GALNT7: variants seen among roughly 807,000 people sequenced by gnomAD.
GALNT7 encodes the protein polypeptide N-acetylgalactosaminyltransferase 7.
Under a neutral mutation model 82.1 loss-of-function variants are expected in GALNT7, and 60 were observed. The observed-to-expected ratio is 0.73, with a 90% CI of 0.59 to 0.91. The LOEUF (loss-of-function observed/expected upper bound fraction) is 0.91, where lower values mean the gene tolerates loss of function less well. Ranked by LOEUF, GALNT7 falls within the 40% of genes least tolerant of loss-of-function variation. The pLI is 0.00. For synonymous variants in GALNT7, 243 were observed against 275.1 expected (o/e 0.88, Z 1.15); for missense variants, 660 against 804.2 (o/e 0.82, Z 2.17).
chr4:173,205,843 G>A (rs1221434653), intron 1 of GALNT7, among the ~76,000 whole-genome samples: 1 of 152,084 alleles, frequency 6.6e-6, no homozygotes, highest in Non-Finnish European at 1.5e-5. Context: ...AGGGCTGCAG[G>A]GCCAGCTTGG....
chr4:173,281,844 A>C (rs1161347336), intron 2 of GALNT7, among the ~76,000 whole-genome samples: 1 of 152,068 alleles, frequency 6.6e-6, no homozygotes, highest in East Asian at 1.9e-4. Context: ...GTCCTCCTCC[A>C]CAGAATGTGG....
At chr4:173,299,826 A>G (rs1253133751) in intron 6 of GALNT7, among the ~76,000 whole-genome samples, 2 of 152,128 alleles carry the variant, frequency 1.3e-5, no homozygotes, top group East Asian at 3.9e-4. Context: ...AGCCTGGGCA[A>G]CAGAGTAAGA....
At chr4:173,314,380 T>C (rs959636821) in intron 9 of GALNT7, among the ~76,000 whole-genome samples, 3 of 152,316 alleles carry the variant, frequency 2.0e-5, no homozygotes, top group South Asian at 2.1e-4. Flanking sequence ...CCTTTGCTCA[T>C]TGGCCCCCTA....
At chr4:173,303,351 A>G (rs1317928001) in intron 7 of GALNT7, among the ~76,000 whole-genome samples, 8 of 152,192 alleles carry the variant, frequency 5.3e-5, no homozygotes, top group Non-Finnish European at 1.5e-5. Flanking sequence ...AACACAAGGA[A>G]CATTCAGAGA....
Position 173,311,644 on chromosome 4 carries a change from G to C in GALNT7, c.1390-2314G>C, listed in dbSNP as rs184351568. On this transcript the variant is annotated intron_variant, in intron 8 of 11. Coordinates refer to ENST00000265000, the MANE Select transcript of GALNT7 (RefSeq NM_017423.3). ...AGTCACAAGGACAGTGTGGGCATGG[G>C]GGTGGGGGGTGGACTGGTGGTAAAT... 2.0e-5 allele frequency among the ~76,000 whole-genome samples: 3 copies of C among 152,264 alleles called. No individual in the cohort carries two copies. In the East Asian group the frequency reaches 5.8e-4, roughly 29 times the overall value.
chr4:173,271,980 C>T (rs1208415022), intron 2 of GALNT7, among the ~76,000 whole-genome samples: 1 of 152,076 alleles, frequency 6.6e-6, no homozygotes, highest in Non-Finnish European at 1.5e-5. Flanking sequence ...TTCAGGTTTT[C>T]ACTATTGTAA....
intron 8 of GALNT7, 93 bp downstream of exon 8, chr4:173,304,211 G>A: frequency 9.9e-7 from 1 of 1,006,380 alleles, no homozygotes; most frequent in South Asian, 1.6e-5. Context: ...CTTATTGAGT[G>A]GGCTCTTCAG....
intron 2 of GALNT7, among the ~76,000 whole-genome samples, chr4:173,266,871 GTGTGTGTGTGTGTGTGTGT>G: frequency 2.0e-5 from 1 of 51,192 alleles, no homozygotes; most frequent in Middle Eastern, 0.011. Context: ...TGGGAAGGGT[GTGTGTGTGTGTGTGTGTGT>G]GTGTGTGTGT....
intron 2 of GALNT7, among the ~76,000 whole-genome samples, chr4:173,255,450 C>T (rs1375937384): frequency 6.6e-6 from 1 of 152,146 alleles, no homozygotes; most frequent in African/African-American, 2.4e-5. Context: ...AAGTTATAAA[C>T]TCACGTTGCA....
chr4:173,289,984 TA>T (rs1194876924), intron 2 of GALNT7, among the ~76,000 whole-genome samples: 1 of 152,148 alleles, frequency 6.6e-6, no homozygotes, highest in Non-Finnish European at 1.5e-5. Flanking sequence ...GAACAAAATA[TA>T]AGAGGCATTT....
At chr4:173,196,150 A>G (rs1732768160) in intron 1 of GALNT7, among the ~76,000 whole-genome samples, 1 of 150,064 alleles carries the variant, frequency 6.7e-6, no homozygotes, top group Non-Finnish European at 1.5e-5. Context: ...TTTGAGACAG[A>G]GTCTCGCTCT....
intron 2 of GALNT7, among the ~76,000 whole-genome samples, chr4:173,285,438 G>A (rs932004324): frequency 6.6e-6 from 1 of 152,184 alleles, no homozygotes; most frequent in Non-Finnish European, 1.5e-5. Flanking sequence ...GTTTTTAAAA[G>A]GCCAAAGAAG....
chr4:173,271,748 T>A (rs1402740383), intron 2 of GALNT7, among the ~76,000 whole-genome samples: 2 of 152,340 alleles, frequency 1.3e-5, no homozygotes, highest in African/African-American at 4.8e-5. Context: ...TGAGCCACTG[T>A]GCCTGGCCCC....
intron 1 of GALNT7, among the ~76,000 whole-genome samples, chr4:173,221,276 G>T (rs1358884602): frequency 2.6e-5 from 4 of 152,072 alleles, no homozygotes; most frequent in African/African-American, 9.7e-5. Context: ...TTTTTCATTT[G>T]TTTCTTGGCT....
chr4:173,215,399 T>C (rs1733413223), intron 1 of GALNT7, among the ~76,000 whole-genome samples: 2 of 151,970 alleles, frequency 1.3e-5, no homozygotes, highest in Non-Finnish European at 2.9e-5. Flanking sequence ...CCTGGCTACT[T>C]TTTGTATTTT....
intron 6 of GALNT7, among the ~76,000 whole-genome samples, chr4:173,299,186 C>T (rs79681323): frequency 6.7e-4 from 102 of 152,178 alleles, no homozygotes; most frequent in Non-Finnish European, 1.2e-3. Context: ...GTTATGGAAA[C>T]GCTGTGGGAT....
intron 2 of GALNT7, among the ~76,000 whole-genome samples, chr4:173,265,575 G>A (rs951069709): frequency 2.7e-5 from 4 of 149,256 alleles, no homozygotes; most frequent in African/African-American, 9.9e-5. Flanking sequence ...TAGCAGTGAT[G>A]GTGGCGTAAG....
chr4:173,257,280 A>G (rs1013663107), intron 2 of GALNT7, among the ~76,000 whole-genome samples: 2 of 152,220 alleles, frequency 1.3e-5, no homozygotes, highest in African/African-American at 4.8e-5. Context: ...AAGCAAGATC[A>G]TAAGCACCAA....
At position 173,230,880 on chromosome 4, in the gene GALNT7, AC is replaced by A. The variant is rs542228171; in HGVS notation, c.127-17098del. Among the ~76,000 whole-genome samples, 9 of 152,204 alleles carry A rather than the reference AC, an allele frequency of 5.9e-5. 1 individual carries two copies. The highest frequency in any genetic ancestry group is 1.2e-4 in the Non-Finnish European group (8 of 68,026). ...AATTATCTTCTGCTGTCTTTATGGA[AC>A]CAGGCATTTGATAAATTTTTGGTTA... On this transcript the variant is annotated intron_variant, in intron 1 of 11. Transcript: ENST00000265000.
Sources: allele counts gnomAD v4.1 joint callset (sites outside exome capture counted in the v4.1 genomes callset), GRCh38; gene constraint gnomAD v4.1.1; transcripts MANE v1.5; gene names NCBI Gene and HGNC (gene_info 2026-07-23, HGNC 2026-07-21).